Variants in VPS13B observed in about 807,000 individuals in gnomAD.
The protein encoded by VPS13B is intermembrane lipid transfer protein VPS13B.
Under a neutral mutation model 426.4 loss-of-function variants are expected in VPS13B, and 285 were observed. The observed-to-expected ratio is 0.67, with a 90% CI of 0.61 to 0.74. The LOEUF (loss-of-function observed/expected upper bound fraction) is 0.74, where lower values mean the gene tolerates loss of function less well. Ranked by LOEUF, VPS13B falls within the 30% of genes least tolerant of loss-of-function variation. The pLI is 0.00. For missense variants in VPS13B, 4,537 were observed against 4,782.6 expected (o/e 0.95, Z 1.51); for synonymous variants, 1,676 against 1,676.4 (o/e 1.00, Z 0.01).
intron 16 of VPS13B, among the ~76,000 whole-genome samples, chr8:99,173,669 T>C (rs888105663): frequency 6.6e-6 from 1 of 152,206 alleles, no homozygotes; most frequent in South Asian, 2.1e-4. Flanking sequence ...CTCCACCTGA[T>C]AGGTGTTAGA....
intron 3 of VPS13B, among the ~76,000 whole-genome samples, chr8:99,091,164 T>C (rs1846126760): frequency 6.6e-6 from 1 of 152,118 alleles, no homozygotes; most frequent in Admixed American, 6.6e-5. Flanking sequence ...AGAGGAGAGA[T>C]GGCTAATGGT....
rs1460521631 is a variant in VPS13B, at chr8:99,356,014, C to T, written c.2825-28194C>T. Among the ~76,000 whole-genome samples, 3 of 152,226 alleles carry T rather than the reference C, an allele frequency of 2.0e-5. No homozygotes were observed. The East Asian group carries it at 5.8e-4, about 29-fold the overall frequency. On this transcript the variant is annotated intron_variant, in intron 19 of 61. Coordinates refer to ENST00000357162, the MANE Select transcript of VPS13B (RefSeq NM_152564.5). Reference sequence around the variant, plus strand: ...CCTAGGTTAGGGGTGCTACCCACGTCATATCATTGTATCTGGTGCAGGTAA... The same window carrying T: ...CCTAGGTTAGGGGTGCTACCCACGTTATATCATTGTATCTGGTGCAGGTAA...
chr8:99,528,019 C>T (rs1345931480), intron 30 of VPS13B: 1 of 151,888 alleles, frequency 6.6e-6, no homozygotes, highest in African/African-American at 2.4e-5. Flanking sequence ...CTGGTGTATC[C>T]TCTATACCTT....
intron 49 of VPS13B, among the ~76,000 whole-genome samples, chr8:99,820,380 A>G (rs905260008): frequency 7.2e-5 from 11 of 152,092 alleles, no homozygotes; most frequent in African/African-American, 2.4e-4. Flanking sequence ...TTCCATTGTT[A>G]TAGGATATTT....
chr8:99,512,734 G>A (rs989059210), intron 29 of VPS13B, among the ~76,000 whole-genome samples: 1 of 152,184 alleles, frequency 6.6e-6, no homozygotes, highest in Non-Finnish European at 1.5e-5. Context: ...CATGGGCTGG[G>A]CACGGTGGCT....
At chr8:99,247,090 C>T (rs560518865) in intron 17 of VPS13B, among the ~76,000 whole-genome samples, 1 of 152,106 alleles carries the variant, frequency 6.6e-6, no homozygotes, top group African/African-American at 2.4e-5. Context: ...AGTAAATGTT[C>T]GTTAATTGAC....
intron 19 of VPS13B, among the ~76,000 whole-genome samples, chr8:99,369,729 C>T (rs979824142): frequency 3.3e-5 from 5 of 152,152 alleles, no homozygotes; most frequent in Non-Finnish European, 5.9e-5. Context: ...AATGTTGAAA[C>T]AACTAGGGTT....
At chr8:99,456,119 C>T (rs1818443756) in intron 23 of VPS13B, among the ~76,000 whole-genome samples, 1 of 152,072 alleles carries the variant, frequency 6.6e-6, no homozygotes, top group African/African-American at 2.4e-5. Flanking sequence ...CAGAGATGCC[C>T]ATCATCATTT....
At chr8:99,614,438 C>G (rs145034036) in intron 33 of VPS13B, among the ~76,000 whole-genome samples, 9 of 151,938 alleles carry the variant, frequency 5.9e-5, no homozygotes, top group Non-Finnish European at 1.2e-4. Flanking sequence ...CCACCACACC[C>G]GGCTAATTTT....
intron 34 of VPS13B, among the ~76,000 whole-genome samples, chr8:99,654,977 C>T (rs1829969026): frequency 6.6e-6 from 1 of 152,046 alleles, no homozygotes; most frequent in African/African-American, 2.4e-5. Context: ...GGTGTTTCCT[C>T]CTACCCTACT....
intron 19 of VPS13B, among the ~76,000 whole-genome samples, chr8:99,366,665 C>T (rs1812912232): frequency 6.6e-6 from 1 of 150,792 alleles, no homozygotes; most frequent in African/African-American, 2.4e-5. Context: ...TGTGGTCTTC[C>T]TTCTTTTCTA....
chr8:99,036,952 C>T (rs768742349), intron 2 of VPS13B, among the ~76,000 whole-genome samples: 1 of 152,180 alleles, frequency 6.6e-6, no homozygotes, highest in Admixed American at 6.5e-5. Flanking sequence ...TCCTAGATGA[C>T]TCGTTTTGGG....
At chr8:99,258,669 C>G (rs986709134) in intron 17 of VPS13B, among the ~76,000 whole-genome samples, 1 of 151,970 alleles carries the variant, frequency 6.6e-6, no homozygotes, top group Non-Finnish European at 1.5e-5. Context: ...TTCTTTGCCT[C>G]TAAAAATGTT....
intron 22 of VPS13B, among the ~76,000 whole-genome samples, chr8:99,436,864 G>A (rs879493238): frequency 4.0e-5 from 6 of 151,808 alleles, no homozygotes; most frequent in Non-Finnish European, 5.9e-5. Context: ...TCAGCCTCCC[G>A]AGTAGCTGGG....
At chr8:99,300,596 T>C (rs1820306323) in intron 19 of VPS13B, among the ~76,000 whole-genome samples, 1 of 152,210 alleles carries the variant, frequency 6.6e-6, no homozygotes, top group Admixed American at 6.5e-5. Context: ...CTTACTTGTT[T>C]ATCCCTTTCA....
At chr8:99,531,019 T>C (rs911153610) in intron 30 of VPS13B, among the ~76,000 whole-genome samples, 12 of 152,250 alleles carry the variant, frequency 7.9e-5, no homozygotes, top group African/African-American at 2.2e-4. Context: ...AAATTTATAT[T>C]CCATTAAATT....
At chr8:99,819,292 G>T (rs1178086903) in intron 47 of VPS13B, 120 bp from the exon 48 acceptor site, 14 of 1,179,252 alleles carry the variant, frequency 1.2e-5, no homozygotes, top group Non-Finnish European at 1.7e-5. Context: ...CCCATAAATG[G>T]ACTCTATCTA....
intron 35 of VPS13B, among the ~76,000 whole-genome samples, chr8:99,662,791 A>G (rs1830292719): frequency 6.6e-6 from 1 of 152,192 alleles, no homozygotes; most frequent in South Asian, 2.1e-4. Context: ...TCACACCTGT[A>G]ATCCCAGCAT....
chr8:99,252,992 A>G (rs1817577040), intron 17 of VPS13B, among the ~76,000 whole-genome samples: 1 of 151,938 alleles, frequency 6.6e-6, no homozygotes, highest in South Asian at 2.1e-4. Flanking sequence ...ATCATTCCCC[A>G]TTCCTATTTC....
Sources: allele counts gnomAD v4.1 joint callset (sites outside exome capture counted in the v4.1 genomes callset), GRCh38; gene constraint gnomAD v4.1.1; transcripts MANE v1.5; gene names NCBI Gene and HGNC (gene_info 2026-07-23, HGNC 2026-07-21).